Variants in FLG2 observed in about 807,000 individuals in gnomAD.
FLG2 encodes the protein filaggrin 2.
A neutral mutation model predicts 3.9 loss-of-function variants in FLG2; 7 were observed. That is an observed-to-expected ratio of 1.79 (90% CI 1.02 to 3.36). The LOEUF (loss-of-function observed/expected upper bound fraction) is 3.36, where lower values mean the gene tolerates loss of function less well. Ranked by LOEUF, FLG2 falls within the 30% of genes most tolerant of loss-of-function variation. The pLI, the probability that FLG2 is intolerant of heterozygous loss-of-function variation, is 0.00. For missense variants in FLG2, 2,700 were observed against 2,809.4 expected (o/e 0.96, Z 0.88); for synonymous variants, 1,031 against 1,056.1 (o/e 0.98, Z 0.46).
In FLG2 at chr1:152,358,858, G is replaced by A. The variant is rs1254215295; in HGVS notation, c.27C>T (p.Val9=). The A allele has an allele frequency of 1.9e-6, 3 of 1,613,784 alleles. No individual in the cohort carries two copies. Among genetic ancestry groups the A allele is most frequent in the Admixed American group, 1.7e-5 (1 of 59,972 alleles). ...ATTTGTAGAAAACATCAATTACGGT[G>A]ACAACACTTCTCAAGAGGTCGGTCA... The part of the protein sequence containing the change: MTDLLRSV[V]TVIDVFYKYT... Residue 9 remains valine (V), a synonymous_variant, in exon 2 of 3, where the codon GTC becomes GTT. Coordinates refer to ENST00000388718, the MANE Select transcript of FLG2 (RefSeq NM_001014342.3).
At position 152,349,034 on chromosome 1, in the gene FLG2, T is replaced by A. The variant is rs1471661951; in HGVS notation, c.*1576A>T. 6.6e-6 allele frequency: 1 copy of A among 152,222 alleles called. No homozygotes were observed. The highest frequency in any genetic ancestry group is 1.5e-5 in the Non-Finnish European group (1 of 68,038). 9.4% of individuals were successfully genotyped at this position (152,222 alleles called of 1,614,324 possible). A position where few individuals can be genotyped will look rare whatever the true frequency, so the allele number is the denominator to read the frequency against. On this transcript the variant is annotated 3_prime_UTR_variant, in exon 3 of 3. Transcript: ENST00000388718. Reference sequence around the variant, plus strand: ...ATCTGGAAAATCCAAATTTTGAAATTCGGAAATTTTTTTAAAACCTAATTT... The same window carrying A: ...ATCTGGAAAATCCAAATTTTGAAATACGGAAATTTTTTTAAAACCTAATTT...
Position 152,352,305 on chromosome 1 carries a change from G to T in FLG2, c.5481C>A (p.Gly1827=). ...ACTCTCCATGTTGAGATCCAGCCTG[G>T]CCGTGAGTGTGTCCTCGTGAGTGTG... is the stretch of plus-strand genomic sequence containing the variant. ...QRPHSRGHTH[G]QAGSQHGESE... is the part of the protein sequence containing the mutation. The change falls in exon 3 of 3, where the codon GGC becomes GGA. Residue 1827 remains glycine, a synonymous_variant. Transcript: ENST00000388718. The T allele has an allele frequency of 6.2e-7, 1 of 1,611,998 alleles. No individual in the cohort carries two copies. Among genetic ancestry groups the T allele is most frequent in the Non-Finnish European group, 8.5e-7 (1 of 1,179,382 alleles).
In FLG2 at chr1:152,356,812, T is replaced by C; in HGVS notation, c.974A>G (p.Gln325Arg). 6.2e-7 allele frequency: 1 copy of C among 1,614,236 alleles called. No individual in the cohort carries two copies. Among genetic ancestry groups the C allele is most frequent in the Non-Finnish European group, 8.5e-7 (1 of 1,180,050 alleles). The change falls in exon 3 of 3, where the codon CAA (glutamine) becomes CGA (arginine). Residue 325 changes from glutamine to arginine, a missense_variant. Coordinates refer to ENST00000388718, the MANE Select transcript of FLG2 (RefSeq NM_001014342.3). ...ACCTCCTGAGACACAGCCATGGCCT[T>C]GTCCTCCCTTAATTCCTGACTGACA... ...SGCQSGIKGG[Q>R]GHGCVSGGQP...
rs1379649239 is a variant in FLG2, at chr1:152,349,702, A to G, written c.*908T>C. ...AGTAATAACTCCTTTGTTCTTGGAC[A>G]TATTCATAGAGTGGGGTGTTGCTAT... On this transcript the variant is annotated 3_prime_UTR_variant, in exon 3 of 3. Coordinates refer to ENST00000388718, the MANE Select transcript of FLG2 (RefSeq NM_001014342.3). 2 of 152,592 alleles carry G rather than the reference A, an allele frequency of 1.3e-5. No individual in the cohort carries two copies. Among genetic ancestry groups the G allele is most frequent in the Admixed American group, 6.5e-5 (1 of 15,280 alleles). The allele number at this position is 152,592 out of a possible 1,614,324, so 9.5% of individuals were successfully genotyped here. A position where few individuals can be genotyped will look rare whatever the true frequency, so the allele number is the denominator to read the frequency against.
chr1:152,352,890 G>T lies in FLG2; in HGVS notation c.4896C>A (p.His1632Gln). ...TCTGTGTGGACTGTCCATGACCAGAGTGGGAATGTCCAGTGGTATCTCCTA... is the reference window on the plus strand; with the variant it reads ...TCTGTGTGGACTGTCCATGACCAGATTGGGAATGTCCAGTGGTATCTCCTA... ...GQIGDTTGHS[H>Q]SGHGQSTQRG... The change falls in exon 3 of 3, where the codon CAC becomes CAA. Residue 1632 changes from histidine to glutamine, a missense_variant. His to Gln is a conservative substitution (Grantham distance 24, BLOSUM62 0). Transcript: ENST00000388718. 6.2e-7 allele frequency: 1 copy of T among 1,613,656 alleles called. No individual in the cohort carries two copies.
Position 152,357,467 on chromosome 1 carries a change from G to C in FLG2, c.319C>G (p.Arg107Gly), listed in dbSNP as rs764454958. 1 of 1,613,898 alleles carries C rather than the reference G, an allele frequency of 6.2e-7. No individual in the cohort carries two copies. The highest frequency in any genetic ancestry group is 2.2e-5 in the East Asian group (1 of 44,876). Residue 107 changes from arginine to glycine, a missense_variant, in exon 3 of 3, where the codon CGA becomes GGA. Transcript: ENST00000388718. ...GTTTCACTTTCTTCTTCTTGGTGTC[G>C]GTGACCACGCCTATGCTTCTTTGAC... ...SGSKKHRRGH[R>G]HQEEESETEE...
chr1:152,356,742 C>G lies in FLG2; in HGVS notation c.1044G>C (p.Gln348His), dbSNP rs779200784. 2.7e-5 allele frequency: 44 copies of G among 1,613,912 alleles called. No individual in the cohort carries two copies. The highest frequency in any genetic ancestry group is 1.6e-4 in the Middle Eastern group (1 of 6,084). ...CTCCATATCCTCTCTGACTATAGGA[C>G]TGACTACAGGGGTTAGACTCAGGTT... ...CGQPESNPCS[Q>H]SYSQRGYGAR... Residue 348 changes from glutamine to histidine, a missense_variant, in exon 3 of 3, where the codon CAG becomes CAC. Physicochemically the swap from Gln to His is conservative, Grantham distance 24. Transcript: ENST00000388718.
At position 152,354,419 on chromosome 1, in the gene FLG2, C is replaced by T. The variant is rs1478793275; in HGVS notation, c.3367G>A (p.Gly1123Ser). The T allele has an allele frequency of 1.2e-6, 2 of 1,614,130 alleles. No homozygotes were observed. The highest frequency in any genetic ancestry group is 1.7e-6 in the Non-Finnish European group (2 of 1,180,020). ...TGTTGTCCAAAGCCAGAAGACTGAC[C>T]TGAGCCCGATCCATATTGGCCAAAG... is the stretch of plus-strand genomic sequence containing the variant. ...SGFGQYGSGS[G>S]QSSGFGQHGS... The change falls in exon 3 of 3, where the codon GGT becomes AGT. Residue 1123 changes from glycine (G) to serine (S), a missense_variant. By Grantham distance (56) the Gly-to-Ser change is moderately conservative (BLOSUM62 0). Coordinates refer to ENST00000388718, the MANE Select transcript of FLG2 (RefSeq NM_001014342.3).
Position 152,357,014 on chromosome 1 carries a change from T to C in FLG2, c.772A>G (p.Ile258Val). ...CTAGACCCAAGCTTTTGTTCTCTAA[T>C]TCTTGACTGAGTAGAGTTTGATTCA... is the stretch of plus-strand genomic sequence containing the variant. ...GHESNSTQSR[I>V]REQKLGSSCS... is the part of the protein sequence containing the mutation. The change falls in exon 3 of 3, where the codon ATT (isoleucine) becomes GTT (valine). Residue 258 changes from isoleucine (I) to valine (V), a missense_variant. Ile to Val is a conservative substitution (Grantham distance 29). Transcript: ENST00000388718. 1.9e-6 allele frequency: 3 copies of C among 1,614,212 alleles called. No homozygotes were observed. The highest frequency in any genetic ancestry group is 2.5e-6 in the Non-Finnish European group (3 of 1,180,036).
rs370804010 is a variant in FLG2 at position 152,354,844 on chromosome 1, G to A, written c.2942C>T (p.Ser981Leu). 2.2e-4 allele frequency: 349 copies of A among 1,613,392 alleles called. No homozygotes were observed. Among genetic ancestry groups the A allele is most frequent in the South Asian group, 4.6e-4 (42 of 91,062 alleles). Residue 981 changes from serine to leucine, a missense_variant, in exon 3 of 3, where the codon TCA (serine) becomes TTA (leucine). By Grantham distance (145) the Ser-to-Leu change is moderately radical. Transcript: ENST00000388718. ...SSGFGQHESG[S>L]GKSSGFGQHE... Reference sequence around the variant, plus strand: ...CTGTCCAAAGCCAGAGGATTTTCCTGAGCCTGACTCATGTTGTCCAAAGCC... The same window carrying A: ...CTGTCCAAAGCCAGAGGATTTTCCTAAGCCTGACTCATGTTGTCCAAAGCC...
At position 152,351,352 on chromosome 1, in the gene FLG2, C is replaced by T; in HGVS notation, c.6434G>A (p.Gly2145Glu). The T allele has an allele frequency of 6.2e-7, 1 of 1,613,438 alleles. No homozygotes were observed. Among genetic ancestry groups the T allele is most frequent in the African/African-American group, 1.3e-5 (1 of 74,780 alleles). The change falls in exon 3 of 3, where the codon GGA becomes GAA. Residue 2145 changes from glycine (G) to glutamate (E), a missense_variant. Physicochemically the swap from Gly to Glu is moderately conservative, Grantham distance 98. Coordinates refer to ENST00000388718, the MANE Select transcript of FLG2 (RefSeq NM_001014342.3). ...ESGSAIHGRQ[G>E]TIHGQTGDTT... ...ATCTCCTGTCTGTCCATGTATAGTT[C>T]CCTGTCTCCCGTGAATGGCAGATCC...
Position 152,355,868 on chromosome 1 carries a change from A to G in FLG2, c.1918T>C (p.Ser640Pro). Residue 640 changes from serine to proline, a missense_variant, in exon 3 of 3, where the codon TCT becomes CCT. Ser to Pro is a moderately conservative substitution (Grantham distance 74, BLOSUM62 -1). Coordinates refer to ENST00000388718, the MANE Select transcript of FLG2 (RefSeq NM_001014342.3). ...CCTGACCCATGTTGTCCAAAGCCAG[A>G]TGTCTGTCTAGACCCATGTTGGCCA... ...GYGQHGSRQT[S>P]GFGQHGSGSS... 2 of 1,611,362 alleles carry G rather than the reference A, an allele frequency of 1.2e-6. No individual in the cohort carries two copies. Among genetic ancestry groups the G allele is most frequent in the Middle Eastern group, 3.3e-4 (2 of 6,048 alleles).
At position 152,358,746 on chromosome 1, in the gene FLG2, C is replaced by A. The variant is rs1231944985; in HGVS notation, c.138+1G>T. The stretch of plus-strand genomic sequence containing the variant: ...CTTCAGTTCTGGCACATGGCTCTCA[C>A]CTTCAGAACTGGATGAAGCTCTTTC... On this transcript the variant is annotated splice_donor_variant, in intron 2 of 2. Transcript: ENST00000388718. LOFTEE classifies it high-confidence loss of function. 1 of 1,612,478 alleles carries A rather than the reference C, an allele frequency of 6.2e-7. No homozygotes were observed. Among genetic ancestry groups the A allele is most frequent in the Admixed American group, 1.7e-5 (1 of 59,734 alleles).
chr1:152,353,641 G>T lies in FLG2; in HGVS notation c.4145C>A (p.Ser1382Tyr). 1 of 1,613,960 alleles carries T rather than the reference G, an allele frequency of 6.2e-7. No homozygotes were observed. The highest frequency in any genetic ancestry group is 8.5e-7 in the Non-Finnish European group (1 of 1,179,968). ...QAGSQHGESE[S>Y]TVHERHETTY... ...AGTTTCATGTCTCTCATGAACTGTG[G>T]ATTCTGACTCTCCATGTTGAGATCC... is the stretch of plus-strand genomic sequence containing the variant. Residue 1382 changes from serine to tyrosine, a missense_variant, in exon 3 of 3, where the codon TCC becomes TAC. Coordinates refer to ENST00000388718, the MANE Select transcript of FLG2 (RefSeq NM_001014342.3).
Position 152,357,293 on chromosome 1 carries a change from G to C in FLG2, c.493C>G (p.Gln165Glu). 6.2e-7 allele frequency: 1 copy of C among 1,614,088 alleles called. No individual in the cohort carries two copies. The highest frequency in any genetic ancestry group is 8.5e-7 in the Non-Finnish European group (1 of 1,180,004). ...TTCCCAGAGCTGGATAAATTACCTT[G>C]TCTTCCTAGCCTCCTGGAGTTGGAC... ...HGSNSRRLGR[Q>E]GNLSSSGNQE... The change falls in exon 3 of 3, where the codon CAA (glutamine) becomes GAA (glutamate). Residue 165 changes from glutamine to glutamate, a missense_variant. By Grantham distance (29) the Gln-to-Glu change is conservative. Coordinates refer to ENST00000388718, the MANE Select transcript of FLG2 (RefSeq NM_001014342.3).
At position 152,353,791 on chromosome 1, in the gene FLG2, G is replaced by C. The variant is rs1380477407; in HGVS notation, c.3995C>G (p.Ser1332Cys). Reference sequence around the variant, plus strand: ...AGATGTTCTGGAACCTGTCTGTGTAGACTGTCCATGACCAGAATGGCCATG... The same window carrying C: ...AGATGTTCTGGAACCTGTCTGTGTACACTGTCCATGACCAGAATGGCCATG... ...TRHGHSGHGQ[S>C]TQTGSRTSGR... Residue 1332 changes from serine to cysteine, a missense_variant, in exon 3 of 3, where the codon TCT becomes TGT. Transcript: ENST00000388718. 6.2e-7 allele frequency: 1 copy of C among 1,613,954 alleles called. No homozygotes were observed. Among genetic ancestry groups the C allele is most frequent in the African/African-American group, 1.3e-5 (1 of 74,908 alleles).
Position 152,353,072 on chromosome 1 carries a change from G to A in FLG2, c.4714C>T (p.Gln1572Ter). The change falls in exon 3 of 3, where the codon CAG becomes TAG. Residue 1572 changes from glutamine to a stop codon, truncating the protein, a stop_gained. Coordinates refer to ENST00000388718, the MANE Select transcript of FLG2 (RefSeq NM_001014342.3). LOFTEE classifies it low-confidence loss of function (END_TRUNC). ...GTGGACTCACTGTGGCTAGTTCTCT[G>A]TCTTCCAGTTGTCCTGGACCCTGTC... The part of the protein sequence containing the change: ...TQTGSRTTGR[Q>*]RTSHSESTDS... The A allele has an allele frequency of 6.3e-7, 1 of 1,590,594 alleles. No individual in the cohort carries two copies. The highest frequency in any genetic ancestry group is 8.5e-7 in the Non-Finnish European group (1 of 1,170,202).
At position 152,350,617 on chromosome 1, in the gene FLG2, C is replaced by G. The variant is rs1454138374; in HGVS notation, c.7169G>C (p.Arg2390Thr). 1 of 1,612,638 alleles carries G rather than the reference C, an allele frequency of 6.2e-7. No homozygotes were observed. Residue 2390 changes from arginine to threonine, a missense_variant, in exon 3 of 3, where the codon AGA (arginine) becomes ACA (threonine). Physicochemically the swap from Arg to Thr is moderately conservative, Grantham distance 71. Transcript: ENST00000388718. ...AGAACTAGAAAATAACTGTCAATGT[C>G]TAGACAGTTGCTTGTTTGCAGTGCT... is the stretch of plus-strand genomic sequence containing the variant. Reference protein sequence around the residue: ...TDSTANKQLSRH With the variant: ...TDSTANKQLSTH
Position 152,357,455 on chromosome 1 carries a change from C to T in FLG2, c.331G>A (p.Glu111Lys), listed in dbSNP as rs776055892. 5 of 1,614,194 alleles carry T rather than the reference C, an allele frequency of 3.1e-6. No individual in the cohort carries two copies. The South Asian group carries it at 5.5e-5, about 18-fold the overall frequency. ...KHRRGHRHQE[E>K]ESETEEDEED... ...TCATCCTCTTCTGTTTCACTTTCTT[C>T]TTCTTGGTGTCGGTGACCACGCCTA... is the stretch of plus-strand genomic sequence containing the variant. The change falls in exon 3 of 3, where the codon GAA becomes AAA. Residue 111 changes from glutamate to lysine, a missense_variant. Transcript: ENST00000388718.
Sources: gnomAD v4.1 joint callset for allele counts on GRCh38, gnomAD v4.1.1 for gene constraint, MANE v1.5 for transcripts, NCBI Gene and HGNC (gene_info 2026-07-23, HGNC 2026-07-21) for gene names.